MGAT5B: variants seen among roughly 807,000 people sequenced by gnomAD.
MGAT5B encodes N-acetylglucosaminyl-transferase Vb.
In MGAT5B, 54 loss-of-function variants were observed where a neutral mutation model predicts 95.1. The ratio of observed to expected loss-of-function variants is 0.57; its 90% CI spans 0.46 to 0.71. The LOEUF is 0.71. Ranked by LOEUF, MGAT5B falls within the 30% of genes least tolerant of loss-of-function variation. The pLI is 0.00. For missense variants in MGAT5B, 935 were observed against 1,088.6 expected (o/e 0.86, Z 1.99); for synonymous variants, 464 against 451.0 (o/e 1.03, Z -0.36).
At chr17:76,894,921 C>T (rs1337743381) in intron 3 of MGAT5B, among the ~76,000 whole-genome samples, 1 of 151,796 alleles carries the variant, frequency 6.6e-6, no homozygotes, top group Non-Finnish European at 1.5e-5. Context: ...GCATTGATTT[C>T]CTAGGGCAGC....
chr17:76,899,064 C>T (rs910943080), intron 3 of MGAT5B, among the ~76,000 whole-genome samples: 4 of 152,174 alleles, frequency 2.6e-5, no homozygotes, highest in East Asian at 1.9e-4. Flanking sequence ...TCTTGCAAGA[C>T]GGATGGAGAG....
In MGAT5B at chr17:76,900,924, T is replaced by A. The variant is rs56876330; in HGVS notation, c.330-1631T>A. ...ATGTGTGTGTGTGCGTGTGTACATG[T>A]GTGCGTGCGTGTTTGTGTGTGAGTG... is the stretch of plus-strand genomic sequence containing the variant. On this transcript the variant is annotated intron_variant, in intron 3 of 17. Transcript: ENST00000569840. Among the ~76,000 whole-genome samples, 3 of 109,854 alleles carry A rather than the reference T, an allele frequency of 2.7e-5. No individual in the cohort carries two copies. In the Admixed American group the frequency reaches 3.1e-4, roughly 11 times the overall value. 72.1% of individuals were successfully genotyped at this position (109,854 alleles called of 152,430 possible). A position where few individuals can be genotyped will look rare whatever the true frequency, so the allele number is the denominator to read the frequency against.
chr17:76,870,049 G>A lies in MGAT5B; in HGVS notation c.68+952G>A, dbSNP rs531608859. 6.6e-6 allele frequency among the ~76,000 whole-genome samples: 1 copy of A among 152,338 alleles called. No homozygotes were observed. Among genetic ancestry groups the A allele is most frequent in the East Asian group, 1.9e-4 (1 of 5,186 alleles). On this transcript the variant is annotated intron_variant, in intron 1 of 17. Transcript: ENST00000569840. The surrounding 1 kb of genome is among the most constrained non-coding windows in gnomAD (Gnocchi z 5.0). ...GGGGAGTGACCGCCCCGGCGCGGGG[G>A]CCGGACTCGGGACGTGGCCACAGGT...
rs1034557681 is a variant in MGAT5B at position 76,917,001 on chromosome 17, C to T, written c.1026-7965C>T. 3.9e-5 allele frequency among the ~76,000 whole-genome samples: 6 copies of T among 152,196 alleles called. No homozygotes were observed. The highest frequency in any genetic ancestry group is 1.9e-4 in the East Asian group (1 of 5,184). ...AAGCCGGCAGAAGCACAGGGTGGTACGAATAACCCCCTAGCACTCTTCCCG... is the reference window on the plus strand; with the variant it reads ...AAGCCGGCAGAAGCACAGGGTGGTATGAATAACCCCCTAGCACTCTTCCCG... On this transcript the variant is annotated intron_variant, in intron 8 of 17. Transcript: ENST00000569840. This position sits in a 1 kb window ranked among gnomAD's most constrained non-coding sequence, Gnocchi z 6.1.
At chr17:76,944,057 CCA>C (rs1174712604) in intron 15 of MGAT5B, 1 of 152,330 alleles carries the variant, frequency 6.6e-6, no homozygotes, top group Admixed American at 6.5e-5. Flanking sequence ...CAAGGTGATG[CCA>C]ACACTGGCTT....
At chr17:76,900,918 TACATGTG>T (rs1308421121) in intron 3 of MGAT5B, among the ~76,000 whole-genome samples, 21,097 of 151,040 alleles carry the variant, frequency 0.14, 1,930 homozygotes, top group African/African-American at 0.24. Flanking sequence ...TGTGCGTGTG[TACATGTG>T]TGCGTGCGTG....
At chr17:76,873,487 GC>G (rs1967077933) in intron 2 of MGAT5B, among the ~76,000 whole-genome samples, 1 of 152,244 alleles carries the variant, frequency 6.6e-6, no homozygotes, top group Non-Finnish European at 1.5e-5. Flanking sequence ...GTGGGTCTGG[GC>G]TTGCATCCTT....
In MGAT5B at chr17:76,916,447, C is replaced by T. The variant is rs967877821; in HGVS notation, c.1026-8519C>T. Among the ~76,000 whole-genome samples, 8 of 152,202 alleles carry T rather than the reference C, an allele frequency of 5.3e-5. No individual in the cohort carries two copies. The highest frequency in any genetic ancestry group is 1.9e-4 in the African/African-American group (8 of 41,446). Reference sequence around the variant, plus strand: ...TCATGGAAATGACGTCGCTGGCCCTCATGAGAGATCCATGCACCCCAGGTG... The same window carrying T: ...TCATGGAAATGACGTCGCTGGCCCTTATGAGAGATCCATGCACCCCAGGTG... On this transcript the variant is annotated intron_variant, in intron 8 of 17. Coordinates refer to ENST00000569840, the MANE Select transcript of MGAT5B (RefSeq NM_001199172.2). The surrounding 1 kb of genome is among the most constrained non-coding windows in gnomAD (Gnocchi z 5.3).
intron 12 of MGAT5B, 39 bp downstream of exon 12, chr17:76,933,336 G>A: frequency 6.3e-7 from 1 of 1,597,682 alleles, no homozygotes; most frequent in Middle Eastern, 1.7e-4. Flanking sequence ...TCTACCCTCT[G>A]CTCCCTTCCC....
intron 3 of MGAT5B, among the ~76,000 whole-genome samples, chr17:76,885,863 G>T (rs1967611308): frequency 6.6e-6 from 1 of 152,214 alleles, no homozygotes; most frequent in African/African-American, 2.4e-5. Flanking sequence ...AGACCGGCAA[G>T]AATCCTGCAG....
intron 2 of MGAT5B, among the ~76,000 whole-genome samples, chr17:76,875,237 G>A (rs116838121): frequency 1.5e-3 from 226 of 152,246 alleles, no homozygotes; most frequent in African/African-American, 5.2e-3. Flanking sequence ...ATCTTGAATC[G>A]TAGTTCCCAT....
At chr17:76,925,918 C>T (rs1300932592) in intron 9 of MGAT5B, among the ~76,000 whole-genome samples, 5 of 152,136 alleles carry the variant, frequency 3.3e-5, no homozygotes, top group Admixed American at 3.3e-4. Flanking sequence ...AGAATGGCCT[C>T]GGAGTTCGTC....
chr17:76,941,405 C>T (rs888061478), intron 15 of MGAT5B, among the ~76,000 whole-genome samples: 2 of 152,210 alleles, frequency 1.3e-5, no homozygotes, highest in Admixed American at 6.5e-5. Flanking sequence ...GCCTGATGCT[C>T]ATCTCCGCAG....
chr17:76,884,808 T>C (rs1424900989), intron 3 of MGAT5B, among the ~76,000 whole-genome samples: 3 of 152,174 alleles, frequency 2.0e-5, no homozygotes, highest in Non-Finnish European at 2.9e-5. Flanking sequence ...TTCACCATGT[T>C]GGCCAGGATG....
intron 8 of MGAT5B, chr17:76,913,786 TAAG>T (rs375249835): frequency 1.7e-5 from 8 of 465,330 alleles, no homozygotes; most frequent in African/African-American, 9.9e-5. Flanking sequence ...AAAAGCCAAG[TAAG>T]AAGGAGACTG....
intron 12 of MGAT5B, 114 bp from the exon 13 acceptor site, chr17:76,937,874 C>A (rs1969727998): frequency 7.5e-7 from 1 of 1,334,084 alleles, no homozygotes; most frequent in Non-Finnish European, 1.0e-6. Flanking sequence ...CAGTTAATGG[C>A]CAACCTGAGA....
Position 76,924,966 on chromosome 17 carries a change from T to C in MGAT5B, c.1026T>C (p.Ser342=). ...RVTVSLKELQ[S]NLGVPPGRGS... ...AGAATCTGAAGGGCTCTTCTCTCAG[T>C]AACTTAGGGGTACCGCCAGGCCGGG... Residue 342 remains serine, a splice_region_variant and synonymous_variant, in exon 9 of 18, where the codon AGT becomes AGC. Transcript: ENST00000569840. The C allele has an allele frequency of 6.2e-7, 1 of 1,611,980 alleles. No homozygotes were observed.
rs1008321021 is a variant in MGAT5B, at chr17:76,938,931, G to T, written c.1584+788G>T. Among the ~76,000 whole-genome samples the T allele has an allele frequency of 3.3e-5, 5 of 151,646 alleles. No individual in the cohort carries two copies. The highest frequency in any genetic ancestry group is 5.9e-5 in the Non-Finnish European group (4 of 67,930). On this transcript the variant is annotated intron_variant, in intron 13 of 17. Transcript: ENST00000569840. This position sits in a 1 kb window ranked among gnomAD's most constrained non-coding sequence, Gnocchi z 4.3. ...TGGGCTTAAGCGATCCTACCACCTC[G>T]GCCTCTCAAAGTGCTGGGATTACAG...
rs181720498 is a variant in MGAT5B at position 76,943,041 on chromosome 17, C to G, written c.1848+2193C>G. Among the ~76,000 whole-genome samples the G allele has an allele frequency of 1.4e-3, 207 of 150,022 alleles. 1 individual carries two copies. The highest frequency in any genetic ancestry group is 4.8e-3 in the African/African-American group (196 of 40,830). On this transcript the variant is annotated intron_variant, in intron 15 of 17. Transcript: ENST00000569840. ...CCACCTTGGGGATAACTTGCCCCCC[C>G]GGGAGGCCCAGAAAGCGGGGTCGGG...
Sources: gnomAD v4.1 joint callset for allele counts (sites outside exome capture counted in the v4.1 genomes callset) on GRCh38, gnomAD v4.1.1 for gene constraint, Gnocchi (gnomAD v3.1) non-coding constraint, MANE v1.5 for transcripts, NCBI Gene and HGNC (gene_info 2026-07-23, HGNC 2026-07-21) for gene names.